ADIPOR2: variants seen among roughly 807,000 people sequenced by gnomAD.
ADIPOR2 encodes the protein adiponectin receptor protein 2.
A neutral mutation model predicts 40.9 loss-of-function variants in ADIPOR2; 18 were observed. The observed-to-expected ratio is 0.44, with a 90% CI of 0.30 to 0.65. The LOEUF (loss-of-function observed/expected upper bound fraction) is 0.65. Among genes scored for constraint, ADIPOR2 ranks in the 30% least tolerant of loss-of-function variants. The pLI, the probability that ADIPOR2 is intolerant of heterozygous loss-of-function variation, is 0.09. For missense variants in ADIPOR2, 283 were observed against 479.2 expected (o/e 0.59, Z 3.82); for synonymous variants, 165 against 166.4 (o/e 0.99, Z 0.06).
chr12:1,740,862 A>C (rs943217450), intron 1 of ADIPOR2, among the ~76,000 whole-genome samples: 3 of 152,202 alleles, frequency 2.0e-5, no homozygotes, highest in African/African-American at 7.2e-5. Context: ...GAGAGTGATA[A>C]GGACTGTGAA....
chr12:1,711,602 C>G (rs1017715599), intron 1 of ADIPOR2, among the ~76,000 whole-genome samples: 8 of 116,812 alleles, frequency 6.8e-5, no homozygotes, highest in African/African-American at 9.4e-5. Context: ...CTGTGTCTCT[C>G]TTTGTCTCTT....
At chr12:1,693,823 G>A (rs550038757) in intron 1 of ADIPOR2, among the ~76,000 whole-genome samples, 4 of 152,094 alleles carry the variant, frequency 2.6e-5, no homozygotes, top group African/African-American at 7.2e-5. Flanking sequence ...GTGAGCAACC[G>A]TGCCCAGCCC....
chr12:1,716,408 G>C (rs2094687702), intron 1 of ADIPOR2, among the ~76,000 whole-genome samples: 1 of 152,148 alleles, frequency 6.6e-6, no homozygotes, highest in Non-Finnish European at 1.5e-5. Flanking sequence ...TGGCACAGGA[G>C]AGATTAGTAG....
intron 3 of ADIPOR2, 113 bp from the exon 4 acceptor site, chr12:1,777,741 A>G: frequency 2.0e-6 from 2 of 1,015,568 alleles, no homozygotes; most frequent in Non-Finnish European, 2.8e-6. Flanking sequence ...CTTTTTAAAA[A>G]TGAATTGTTT....
intron 1 of ADIPOR2, among the ~76,000 whole-genome samples, chr12:1,735,547 A>G (rs2094728610): frequency 6.6e-6 from 1 of 152,174 alleles, no homozygotes; most frequent in African/African-American, 2.4e-5. Context: ...GCAAACAGGG[A>G]CAGTTTGACT....
At chr12:1,779,730 C>G (rs1027448347) in intron 4 of ADIPOR2, among the ~76,000 whole-genome samples, 5 of 152,196 alleles carry the variant, frequency 3.3e-5, no homozygotes, top group African/African-American at 4.8e-5. Context: ...AGGGTCAAAT[C>G]AAGTTTGTTG....
At chr12:1,761,408 C>T (rs1862267852) in intron 2 of ADIPOR2, among the ~76,000 whole-genome samples, 2 of 152,174 alleles carry the variant, frequency 1.3e-5, no homozygotes, top group Admixed American at 1.3e-4. Context: ...TATATGTTAA[C>T]TCTGTGTTTA....
chr12:1,753,800 C>T (rs1862055600), intron 1 of ADIPOR2, among the ~76,000 whole-genome samples: 1 of 151,966 alleles, frequency 6.6e-6, no homozygotes, highest in Admixed American at 6.6e-5. Flanking sequence ...TATATTCTTT[C>T]TAATACATAC....
chr12:1,773,524 T>C (rs1862528696), intron 3 of ADIPOR2, among the ~76,000 whole-genome samples: 1 of 149,584 alleles, frequency 6.7e-6, no homozygotes, highest in African/African-American at 2.5e-5. Flanking sequence ...TTCTTTTTTT[T>C]TTTTTTTTTT....
At chr12:1,711,529 C>T (rs926155416) in intron 1 of ADIPOR2, among the ~76,000 whole-genome samples, 11 of 152,018 alleles carry the variant, frequency 7.2e-5, no homozygotes, top group African/African-American at 2.7e-4. Flanking sequence ...GCTGGGTAGA[C>T]AGAAATTTAC....
intron 1 of ADIPOR2, among the ~76,000 whole-genome samples, chr12:1,703,836 C>T (rs2094655938): frequency 1.3e-5 from 2 of 152,076 alleles, no homozygotes; most frequent in Non-Finnish European, 2.9e-5. Flanking sequence ...ACCCCAGCCT[C>T]TGTAGTAGCT....
intron 1 of ADIPOR2, among the ~76,000 whole-genome samples, chr12:1,725,777 C>T (rs1187904119): frequency 6.6e-6 from 1 of 151,894 alleles, no homozygotes; most frequent in Non-Finnish European, 1.5e-5. Context: ...ATAATAAAGC[C>T]TACGTTAATG....
intron 2 of ADIPOR2, among the ~76,000 whole-genome samples, chr12:1,763,299 A>G (rs1431711717): frequency 1.3e-5 from 2 of 152,234 alleles, no homozygotes; most frequent in African/African-American, 2.4e-5. Context: ...TTCATAATGC[A>G]TATACGGAAG....
intron 1 of ADIPOR2, among the ~76,000 whole-genome samples, chr12:1,730,480 G>A (rs551775506): frequency 1.3e-5 from 2 of 151,980 alleles, no homozygotes; most frequent in African/African-American, 4.8e-5. Flanking sequence ...AGCTGGGCGC[G>A]GTGGCGGGCG....
intron 1 of ADIPOR2, among the ~76,000 whole-genome samples, chr12:1,698,597 C>G (rs2094644111): frequency 6.6e-6 from 1 of 152,014 alleles, no homozygotes; most frequent in Non-Finnish European, 1.5e-5. Flanking sequence ...TTTAGTAGTT[C>G]TCTAGTGTAG....
intron 1 of ADIPOR2, among the ~76,000 whole-genome samples, chr12:1,694,540 A>G (rs1269816538): frequency 6.6e-6 from 1 of 152,230 alleles, no homozygotes; most frequent in Non-Finnish European, 1.5e-5. Flanking sequence ...GAATAAAGAC[A>G]AGAAAAAAAA....
At chr12:1,754,909 TTTGCC>T (rs1862091469) in intron 2 of ADIPOR2, among the ~76,000 whole-genome samples, 1 of 69,142 alleles carries the variant, frequency 1.4e-5, no homozygotes, top group East Asian at 4.3e-4. Flanking sequence ...GAGATGAGGT[TTTGCC>T]ATGTTGGCCA....
chr12:1,762,311 CAT>C (rs1046113531), intron 2 of ADIPOR2, among the ~76,000 whole-genome samples: 86 of 152,074 alleles, frequency 5.7e-4, no homozygotes, highest in African/African-American at 1.9e-3. Flanking sequence ...TGTTTATAAA[CAT>C]ATATATAAAA....
At position 1,747,398 on chromosome 12, in the gene ADIPOR2, C is replaced by G. The variant is rs554502691; in HGVS notation, c.-86-6860C>G. Among the ~76,000 whole-genome samples, 552 of 135,538 alleles carry G rather than the reference C, an allele frequency of 4.1e-3. 4 individuals are homozygous for G. The highest frequency in any genetic ancestry group is 0.014 in the African/African-American group (531 of 37,684). 88.9% of individuals were successfully genotyped at this position (135,538 alleles called of 152,430 possible). A position where few individuals can be genotyped will look rare whatever the true frequency, so the allele number is the denominator to read the frequency against. On this transcript the variant is annotated intron_variant, in intron 1 of 7. Coordinates refer to ENST00000357103, the MANE Select transcript of ADIPOR2 (RefSeq NM_024551.3). The stretch of plus-strand genomic sequence containing the variant: ...ATTAGAAAATATCGAGACAAAAACA[C>G]AGCATACCAAAACTTAGGGGTTGCA...
Sources: allele counts gnomAD v4.1 joint callset (sites outside exome capture counted in the v4.1 genomes callset), GRCh38; gene constraint gnomAD v4.1.1; transcripts MANE v1.5; gene names NCBI Gene and HGNC (gene_info 2026-07-23, HGNC 2026-07-21).